Variants in FSTL5 observed in about 807,000 individuals in gnomAD.
FSTL5 encodes follistatin-related protein 5.
A neutral mutation model predicts 89.1 loss-of-function variants in FSTL5; 62 were observed. The ratio of observed to expected loss-of-function variants is 0.70; its 90% CI spans 0.57 to 0.86. The LOEUF (loss-of-function observed/expected upper bound fraction) is 0.86, where lower values mean the gene tolerates loss of function less well. FSTL5 is among the 40% of genes least tolerant of loss of function. The probability of loss-of-function intolerance (pLI) is 0.00; values close to 1 mark genes in which losing one functional copy is unlikely to be tolerated. For missense variants in FSTL5, 1,057 were observed against 1,001.6 expected, an observed-to-expected ratio of 1.06 and a Z score of -0.75; for synonymous variants, 383 against 346.2, an observed-to-expected ratio of 1.11 and a Z score of -1.18.
At chr4:161,538,127 A>G in intron 10 of FSTL5, 39 bp downstream of exon 10, 1 of 1,601,882 alleles carries the variant, frequency 6.2e-7, no homozygotes, top group Non-Finnish European at 8.5e-7. Flanking sequence ...AGTACGTTGA[A>G]TATGGTGTGT....
chr4:161,725,201 A>G (rs1344875949), intron 6 of FSTL5, among the ~76,000 whole-genome samples: 3 of 152,160 alleles, frequency 2.0e-5, no homozygotes, highest in South Asian at 2.1e-4. Context: ...ATAAAAAAAA[A>G]TAACTCTGAA....
At chr4:161,894,606 G>A (rs1733096359) in intron 4 of FSTL5, among the ~76,000 whole-genome samples, 1 of 152,070 alleles carries the variant, frequency 6.6e-6, no homozygotes, top group Admixed American at 6.6e-5. Flanking sequence ...AGCCTCTCCT[G>A]TAGCTGGGAT....
intron 7 of FSTL5, among the ~76,000 whole-genome samples, chr4:161,595,458 A>G (rs568311584): frequency 1.1e-3 from 173 of 152,230 alleles, no homozygotes; most frequent in African/African-American, 3.7e-3. Context: ...GATGTCTGGA[A>G]AGAGTTGATA....
intron 4 of FSTL5, among the ~76,000 whole-genome samples, chr4:161,893,559 A>T (rs1352683607): frequency 1.3e-5 from 2 of 151,710 alleles, no homozygotes. Flanking sequence ...ATCAAACAGA[A>T]CAATAGAAAA....
intron 8 of FSTL5, among the ~76,000 whole-genome samples, chr4:161,544,865 C>T (rs1377990575): frequency 6.6e-6 from 1 of 151,870 alleles, no homozygotes; most frequent in Non-Finnish European, 1.5e-5. Context: ...GATAATTGCA[C>T]TTTGATTAGG....
At chr4:161,808,712 T>G (rs1211264394) in intron 4 of FSTL5, among the ~76,000 whole-genome samples, 1 of 152,030 alleles carries the variant, frequency 6.6e-6, no homozygotes, top group Non-Finnish European at 1.5e-5. Flanking sequence ...AAACATAATG[T>G]ACAGAATGTG....
At chr4:161,593,774 A>G (rs1733915526) in intron 7 of FSTL5, among the ~76,000 whole-genome samples, 1 of 152,094 alleles carries the variant, frequency 6.6e-6, no homozygotes. Context: ...TGATTTAATG[A>G]GGGAAAGCCT....
chr4:161,818,549 C>G (rs192335355), intron 4 of FSTL5, among the ~76,000 whole-genome samples: 1 of 152,190 alleles, frequency 6.6e-6, no homozygotes. Context: ...ACATCACCAT[C>G]GGGTGGGAGC....
chr4:161,903,606 T>C (rs1226028612), intron 4 of FSTL5, among the ~76,000 whole-genome samples: 1 of 152,088 alleles, frequency 6.6e-6, no homozygotes, highest in Non-Finnish European at 1.5e-5. Flanking sequence ...TAAAGAATTC[T>C]TAACAAAAGC....
rs570950579 is a variant in FSTL5, at chr4:161,885,388, T to C, written c.409+35016A>G. ...TAAATTCTAAGAATGAATGTGTGTA[T>C]ACAAAGAAGTGTATACATACAATGG... is the stretch of plus-strand genomic sequence containing the variant. On this transcript the variant is annotated intron_variant, in intron 4 of 15. Transcript: ENST00000306100. Among the ~76,000 whole-genome samples the C allele has an allele frequency of 9.9e-5, 15 of 152,260 alleles. No individual in the cohort carries two copies. The South Asian group carries it at 1.9e-3, about 19-fold the overall frequency.
At chr4:162,045,492 C>T (rs1344622508) in intron 2 of FSTL5, among the ~76,000 whole-genome samples, 3 of 152,014 alleles carry the variant, frequency 2.0e-5, no homozygotes, top group African/African-American at 7.3e-5. Flanking sequence ...TAAATATATA[C>T]AAATATTATG....
intron 9 of FSTL5, among the ~76,000 whole-genome samples, chr4:161,538,762 CTT>C (rs1173549118): frequency 6.6e-6 from 1 of 151,666 alleles, no homozygotes; most frequent in African/African-American, 2.4e-5. Flanking sequence ...ATTCATCAAA[CTT>C]ATTATTATTT....
intron 3 of FSTL5, among the ~76,000 whole-genome samples, chr4:161,929,798 C>G (rs1734237515): frequency 6.6e-6 from 1 of 151,316 alleles, no homozygotes; most frequent in Non-Finnish European, 1.5e-5. Flanking sequence ...CTGATTAAAG[C>G]AGGGGTGACA....
intron 4 of FSTL5, among the ~76,000 whole-genome samples, chr4:161,824,950 T>A (rs912561326): frequency 1.3e-5 from 2 of 151,984 alleles, no homozygotes; most frequent in African/African-American, 4.8e-5. Flanking sequence ...CTGGGGAGAG[T>A]GGGCATTCTT....
intron 4 of FSTL5, among the ~76,000 whole-genome samples, chr4:161,817,446 T>G (rs1730356864): frequency 1.3e-5 from 2 of 152,142 alleles, no homozygotes; most frequent in African/African-American, 4.8e-5. Context: ...AATATACTGG[T>G]GGAGAGGCTG....
chr4:161,838,413 A>G (rs1359584162), intron 4 of FSTL5, among the ~76,000 whole-genome samples: 1 of 152,088 alleles, frequency 6.6e-6, no homozygotes, highest in Admixed American at 6.6e-5. Flanking sequence ...CTGCCGAGTA[A>G]CTGGGACTAC....
intron 6 of FSTL5, among the ~76,000 whole-genome samples, chr4:161,685,968 A>C (rs1214606742): frequency 6.6e-6 from 1 of 151,882 alleles, no homozygotes; most frequent in Non-Finnish European, 1.5e-5. Flanking sequence ...ATCATAAAGA[A>C]ACGCTGGATT....
chr4:162,058,065 A>AT (rs1738605522), intron 2 of FSTL5, among the ~76,000 whole-genome samples: 1 of 152,160 alleles, frequency 6.6e-6, no homozygotes, highest in African/African-American at 2.4e-5. Flanking sequence ...TATCTAATTA[A>AT]TTACATGTGT....
chr4:161,878,514 G>C (rs1440589), intron 4 of FSTL5, among the ~76,000 whole-genome samples: 126,431 of 151,960 alleles, frequency 0.83, 53,265 homozygotes, highest in Non-Finnish European at 0.9. Context: ...CAGATAATAA[G>C]CTAAACTTTA....
Sources: allele counts gnomAD v4.1 joint callset (sites outside exome capture counted in the v4.1 genomes callset), GRCh38; gene constraint gnomAD v4.1.1; transcripts MANE v1.5; gene names NCBI Gene and HGNC (gene_info 2026-07-23, HGNC 2026-07-21).